NSG1: variants seen among roughly 807,000 people sequenced by gnomAD.
NSG1 encodes neuronal vesicle trafficking associated 1, also known as neuronal vesicle trafficking-associated protein 1.
NSG1 carries 9 observed loss-of-function variants against 19.3 expected under a neutral mutation model. The ratio of observed to expected loss-of-function variants is 0.47; its 90% CI spans 0.28 to 0.81. The LOEUF is 0.81. Among genes scored for constraint, NSG1 ranks in the 40% least tolerant of loss-of-function variants. The pLI is 0.11. For synonymous variants in NSG1, 104 were observed against 107.0 expected, an observed-to-expected ratio of 0.97 and a Z score of 0.17; for missense variants, 236 against 242.4, an observed-to-expected ratio of 0.97 and a Z score of 0.18.
intron 3 of NSG1, among the ~76,000 whole-genome samples, chr4:4,394,120 G>A (rs183846777): frequency 7.9e-5 from 12 of 152,346 alleles, no homozygotes; most frequent in South Asian, 2.1e-4. Flanking sequence ...CTGAGGCAGA[G>A]AGCCTTGGCA....
At position 4,409,705 on chromosome 4, in the gene NSG1, G is replaced by A. The variant is rs1352467338; in HGVS notation, c.357+22G>A. On this transcript the variant is annotated intron_variant, in intron 4 of 4. Coordinates refer to ENST00000621129, the MANE Select transcript of NSG1 (RefSeq NM_014392.5). ...CAAGGTAAAACTCCGTTTTCCCCCA[G>A]AGGCCCTGGGACGCCTTTGCACCCC... 3 of 1,584,636 alleles carry A rather than the reference G, an allele frequency of 1.9e-6. No individual in the cohort carries two copies. In the South Asian group the frequency reaches 3.3e-5, roughly 18 times the overall value.
chr4:4,415,128 G>A (rs750005198), intron 4 of NSG1, among the ~76,000 whole-genome samples: 5 of 151,798 alleles, frequency 3.3e-5, no homozygotes, highest in African/African-American at 4.8e-5. Context: ...GGCTGGTCTC[G>A]AACTCTTGGG....
At chr4:4,391,253 T>A (rs549766292) in intron 2 of NSG1, among the ~76,000 whole-genome samples, 1 of 152,234 alleles carries the variant, frequency 6.6e-6, no homozygotes, top group South Asian at 2.1e-4. Flanking sequence ...TGCCCCTCGG[T>A]TATAATATTT....
At chr4:4,397,075 G>C (rs1166966713) in intron 3 of NSG1, among the ~76,000 whole-genome samples, 3 of 138,054 alleles carry the variant, frequency 2.2e-5, no homozygotes, top group Non-Finnish European at 4.8e-5. Context: ...ATTCACTTTT[G>C]TGTGGGTTAC....
intron 4 of NSG1, among the ~76,000 whole-genome samples, chr4:4,416,818 G>C (rs1421296453): frequency 6.6e-6 from 1 of 152,128 alleles, no homozygotes; most frequent in Non-Finnish European, 1.5e-5. Context: ...ATCTCACCTA[G>C]CTAAGGTCTG....
intron 3 of NSG1, among the ~76,000 whole-genome samples, chr4:4,401,439 C>T (rs186411040): frequency 4.6e-5 from 7 of 152,230 alleles, no homozygotes; most frequent in African/African-American, 7.2e-5. Context: ...CCACACTGGT[C>T]GTAGACACTG....
intron 4 of NSG1, among the ~76,000 whole-genome samples, chr4:4,411,525 C>A (rs1313116941): frequency 6.6e-6 from 1 of 152,144 alleles, no homozygotes; most frequent in Non-Finnish European, 1.5e-5. Flanking sequence ...GGGTGGATCA[C>A]CTGAGGTCAG....
intron 3 of NSG1, among the ~76,000 whole-genome samples, chr4:4,403,583 C>A (rs1257038266): frequency 3.9e-5 from 6 of 152,188 alleles, no homozygotes; most frequent in Non-Finnish European, 2.9e-5. Flanking sequence ...AGGATAATCT[C>A]CTCTTCTCAA....
In NSG1 at chr4:4,387,767, C is replaced by T. The variant is rs1282053844; in HGVS notation, c.129+9C>T. 8.2e-6 allele frequency: 13 copies of T among 1,594,618 alleles called. No homozygotes were observed. The highest frequency in any genetic ancestry group is 8.1e-5 in the African/African-American group (6 of 74,516). ...TCCCGCCCCCGGATAAGGTAAGCCC[C>T]CCCACGCCCCTCCACGTTGCCGGGT... On this transcript the variant is annotated intron_variant, in intron 2 of 4. Transcript: ENST00000621129.
intron 3 of NSG1, among the ~76,000 whole-genome samples, chr4:4,407,202 C>T (rs552898514): frequency 3.1e-4 from 47 of 152,288 alleles, no homozygotes; most frequent in African/African-American, 8.4e-4. Context: ...AGGCAACCTA[C>T]GGTCGGGGTT....
rs144525551 is a variant in NSG1 at position 4,398,322 on chromosome 4, A to G, written c.246+6731A>G. 2.3e-4 allele frequency among the ~76,000 whole-genome samples: 35 copies of G among 152,318 alleles called. 1 individual carries two copies. In the East Asian group the frequency reaches 5.4e-3, roughly 23 times the overall value. Reference sequence around the variant, plus strand: ...AACTTACCGCTTTAAGGTAAGTGCCATATTAAATTCAGTGCCATTTAATAC... The same window carrying G: ...AACTTACCGCTTTAAGGTAAGTGCCGTATTAAATTCAGTGCCATTTAATAC... On this transcript the variant is annotated intron_variant, in intron 3 of 4. Coordinates refer to ENST00000621129, the MANE Select transcript of NSG1 (RefSeq NM_014392.5).
intron 3 of NSG1, among the ~76,000 whole-genome samples, chr4:4,392,979 A>G (rs368045901): frequency 6.6e-6 from 1 of 152,098 alleles, no homozygotes; most frequent in East Asian, 1.9e-4. Flanking sequence ...TCCGAGGTCA[A>G]TACCTGTCTT....
chr4:4,406,770 C>A (rs573903492), intron 3 of NSG1, among the ~76,000 whole-genome samples: 1 of 152,314 alleles, frequency 6.6e-6, no homozygotes, highest in African/African-American at 2.4e-5. Context: ...GCCAGACTCC[C>A]GGCCAGTGAG....
chr4:4,409,514 T>G, intron 3 of NSG1, 59 bp from the exon 4 acceptor site: 2 of 1,237,946 alleles, frequency 1.6e-6, no homozygotes, highest in Non-Finnish European at 1.2e-6. Flanking sequence ...TGTGCGGGTG[T>G]GTGTGTGTCT....
chr4:4,405,565 A>G (rs924631084), intron 3 of NSG1, among the ~76,000 whole-genome samples: 7 of 152,124 alleles, frequency 4.6e-5, no homozygotes, highest in East Asian at 1.9e-4. Context: ...ACAGGATTCA[A>G]TTCCGAGCCA....
chr4:4,413,073 A>G (rs1419987690), intron 4 of NSG1, among the ~76,000 whole-genome samples: 1 of 108,308 alleles, frequency 9.2e-6, no homozygotes, highest in Non-Finnish European at 2.0e-5. Context: ...AGGCATGTAC[A>G]TGGCACCCAC....
intron 3 of NSG1, 103 bp downstream of exon 3, chr4:4,391,694 G>C: frequency 1.5e-6 from 1 of 688,438 alleles, no homozygotes; most frequent in Non-Finnish European, 2.4e-6. Context: ...GACGCCGTTT[G>C]TCTGGGCTCA....
intron 3 of NSG1, among the ~76,000 whole-genome samples, chr4:4,395,052 G>A (rs556476972): frequency 3.6e-4 from 55 of 152,354 alleles, no homozygotes; most frequent in African/African-American, 1.3e-3. Flanking sequence ...TGCCCAGGAA[G>A]CCTGCAGGCT....
chr4:4,396,676 C>T (rs1723264761), intron 3 of NSG1, among the ~76,000 whole-genome samples: 1 of 56,626 alleles, frequency 1.8e-5, no homozygotes, highest in Non-Finnish European at 5.0e-5. Flanking sequence ...CCTTGAGCTT[C>T]CTGCGTGCCC....
Sources: gnomAD v4.1 joint callset for allele counts (sites outside exome capture counted in the v4.1 genomes callset) on GRCh38, gnomAD v4.1.1 for gene constraint, MANE v1.5 for transcripts, NCBI Gene and HGNC (gene_info 2026-07-23, HGNC 2026-07-21) for gene names.